The following NOL4 variants were observed in gnomAD, a reference collection of about 807,000 sequenced individuals.
NOL4 encodes the protein nucleolar protein 4.
In NOL4, 17 loss-of-function variants were observed where a neutral mutation model predicts 75.9. The observed-to-expected ratio is 0.22, with a 90% CI of 0.15 to 0.34. The LOEUF (loss-of-function observed/expected upper bound fraction) is 0.34, where lower values mean the gene tolerates loss of function less well. Among genes scored for constraint, NOL4 ranks in the 10% least tolerant of loss-of-function variants. The pLI, the probability that NOL4 is intolerant of heterozygous loss-of-function variation, is 1.00. For synonymous variants in NOL4, 292 were observed against 289.9 expected (o/e 1.01, Z -0.07); for missense variants, 614 against 793.5 (o/e 0.77, Z 2.72).
intron 10 of NOL4, among the ~76,000 whole-genome samples, chr18:33,866,528 A>T (rs2063437216): frequency 6.6e-6 from 1 of 152,122 alleles, no homozygotes; most frequent in African/African-American, 2.4e-5. Context: ...CTCTACTTGC[A>T]TTTGCTAATT....
At chr18:34,104,928 A>G (rs1180464888) in intron 3 of NOL4, 121 bp downstream of exon 3, 3 of 588,200 alleles carry the variant, frequency 5.1e-6, no homozygotes, top group Non-Finnish European at 9.1e-6. Flanking sequence ...CTACTTGAAT[A>G]AATGAGATGA....
intron 5 of NOL4, among the ~76,000 whole-genome samples, chr18:34,076,557 T>C (rs28568844): frequency 0.016 from 2,417 of 152,298 alleles, 68 homozygotes; most frequent in African/African-American, 0.056. Flanking sequence ...TTCAAAGTAC[T>C]GCAGTTGCAG....
intron 9 of NOL4, among the ~76,000 whole-genome samples, chr18:33,899,819 G>A (rs1395854605): frequency 6.6e-6 from 1 of 152,100 alleles, no homozygotes; most frequent in South Asian, 2.1e-4. Context: ...TTGAGAAGCA[G>A]TTCATTTGCA....
At chr18:33,880,059 T>G (rs2064167296) in intron 10 of NOL4, among the ~76,000 whole-genome samples, 1 of 152,084 alleles carries the variant, frequency 6.6e-6, no homozygotes, top group South Asian at 2.1e-4. Context: ...GGGTAGAAAT[T>G]GCATCTCTCT....
chr18:34,001,235 C>T (rs2073678368), intron 6 of NOL4, among the ~76,000 whole-genome samples: 1 of 152,070 alleles, frequency 6.6e-6, no homozygotes, highest in Non-Finnish European at 1.5e-5. Context: ...GTGAATTCTT[C>T]CTAAATAGAC....
chr18:34,020,024 G>T (rs1381898911), intron 5 of NOL4, among the ~76,000 whole-genome samples: 4 of 151,818 alleles, frequency 2.6e-5, no homozygotes, highest in Non-Finnish European at 2.9e-5. Context: ...AGACAAACTG[G>T]CTCCCCTACA....
At chr18:34,095,818 G>A (rs761263971) in intron 4 of NOL4, among the ~76,000 whole-genome samples, 2 of 151,992 alleles carry the variant, frequency 1.3e-5, no homozygotes, top group African/African-American at 2.4e-5. Context: ...AACAAAATGT[G>A]TTACTAAAGT....
At chr18:33,974,487 G>A (rs1169676711) in intron 6 of NOL4, among the ~76,000 whole-genome samples, 1 of 152,120 alleles carries the variant, frequency 6.6e-6, no homozygotes, top group Non-Finnish European at 1.5e-5. Context: ...TGGGGGAACA[G>A]CCAGTCATTG....
chr18:33,881,377 C>G (rs574782284), intron 10 of NOL4, among the ~76,000 whole-genome samples: 1 of 149,162 alleles, frequency 6.7e-6, no homozygotes, highest in South Asian at 2.2e-4. Context: ...TGCCTAATTG[C>G]CCTGGCCAGA....
intron 10 of NOL4, among the ~76,000 whole-genome samples, chr18:33,869,383 T>C (rs1483333689): frequency 6.6e-6 from 1 of 152,002 alleles, no homozygotes; most frequent in Non-Finnish European, 1.5e-5. Context: ...CTAATTTTAA[T>C]ATTTGTTGCT....
chr18:34,182,344 G>A (rs1026066105), intron 1 of NOL4, among the ~76,000 whole-genome samples: 14 of 151,522 alleles, frequency 9.2e-5, no homozygotes, highest in Non-Finnish European at 2.1e-4. Flanking sequence ...AAAATGTTTA[G>A]AATAAGCAAA....
At chr18:33,917,490 AT>A (rs976627960) in intron 9 of NOL4, among the ~76,000 whole-genome samples, 2 of 151,880 alleles carry the variant, frequency 1.3e-5, no homozygotes, top group African/African-American at 4.9e-5. Flanking sequence ...TAGAAGGCTA[AT>A]TTTAATTAAT....
At chr18:34,069,737 A>C (rs1297926883) in intron 5 of NOL4, among the ~76,000 whole-genome samples, 5 of 152,228 alleles carry the variant, frequency 3.3e-5, no homozygotes, top group African/African-American at 9.6e-5. Flanking sequence ...TAACCCGCTC[A>C]GGAAGCCAGC....
intron 10 of NOL4, among the ~76,000 whole-genome samples, chr18:33,855,770 T>C (rs2062809919): frequency 1.3e-5 from 2 of 152,144 alleles, no homozygotes; most frequent in African/African-American, 2.4e-5. Context: ...ATTTAAGTTA[T>C]AAATAAATTT....
At chr18:34,082,404 T>C (rs1296774342) in intron 5 of NOL4, among the ~76,000 whole-genome samples, 4 of 152,132 alleles carry the variant, frequency 2.6e-5, no homozygotes, top group African/African-American at 9.7e-5. Context: ...ATGGCTCTAG[T>C]AAAAACTTTA....
chr18:33,919,910 G>C (rs1173871321), intron 9 of NOL4, among the ~76,000 whole-genome samples: 1 of 152,118 alleles, frequency 6.6e-6, no homozygotes, highest in Admixed American at 6.5e-5. Flanking sequence ...AATAGATGGG[G>C]GGCTGTGTGT....
intron 5 of NOL4, among the ~76,000 whole-genome samples, chr18:34,028,337 G>A (rs1348881891): frequency 6.6e-6 from 1 of 152,322 alleles, no homozygotes; most frequent in African/African-American, 2.4e-5. Context: ...CACTGCTGAT[G>A]GCACATTTCC....
At chr18:33,973,160 G>A (rs1167046458) in intron 6 of NOL4, among the ~76,000 whole-genome samples, 1 of 152,114 alleles carries the variant, frequency 6.6e-6, no homozygotes, top group African/African-American at 2.4e-5. Context: ...CTTTTTGTTT[G>A]TTTATTTGTT....
intron 9 of NOL4, among the ~76,000 whole-genome samples, chr18:33,886,831 ATATC>A (rs1207206681): frequency 2.1e-4 from 28 of 136,204 alleles, no homozygotes; most frequent in African/African-American, 7.4e-4. Flanking sequence ...ATATACATAT[ATATC>A]TATATATCTA....
Sources: gnomAD v4.1 joint callset for allele counts (sites outside exome capture counted in the v4.1 genomes callset) on GRCh38, gnomAD v4.1.1 for gene constraint, MANE v1.5 for transcripts, NCBI Gene and HGNC (gene_info 2026-07-23, HGNC 2026-07-21) for gene names.